AXDND1: variants seen among roughly 807,000 people sequenced by gnomAD.
AXDND1 encodes the protein axonemal dynein light chain domain-containing protein 1.
AXDND1 carries 110 observed loss-of-function variants against 137.5 expected under a neutral mutation model. The ratio of observed to expected loss-of-function variants is 0.80; its 90% CI spans 0.69 to 0.94. The LOEUF (loss-of-function observed/expected upper bound fraction) is 0.94. Among genes scored for constraint, AXDND1 ranks in the 40% least tolerant of loss-of-function variants. AXDND1 has a pLI of 0.00. For synonymous variants in AXDND1, 414 were observed against 399.7 expected (o/e 1.04, Z -0.43); for missense variants, 1,191 against 1,169.8 (o/e 1.02, Z -0.26).
chr1:179,400,935 AAAAG>A (rs1471274687), intron 11 of AXDND1, among the ~76,000 whole-genome samples: 2 of 149,566 alleles, frequency 1.3e-5, no homozygotes, highest in Non-Finnish European at 3.0e-5. Flanking sequence ...AAAGAAAAAA[AAAAG>A]GACACAGAAA....
chr1:179,468,283 T>A (rs1663482919), intron 16 of AXDND1, among the ~76,000 whole-genome samples, 160 bp from the exon 17 acceptor site: 1 of 152,226 alleles, frequency 6.6e-6, no homozygotes, highest in Non-Finnish European at 1.5e-5. Context: ...AAACATTTAT[T>A]TAGGAACTGC....
chr1:179,509,404 G>T lies in AXDND1; in HGVS notation c.2496+1G>T, dbSNP rs772632024. On this transcript the variant is annotated splice_donor_variant, in intron 21 of 25. Transcript: ENST00000367618. LOFTEE classifies it high-confidence loss of function. ...AGAAATAGAGCGGCTACTTGAAGAG[G>T]TATTTGCCACATGTTAGCGTTGGTC... 3 of 1,570,300 alleles carry T rather than the reference G, an allele frequency of 1.9e-6. No individual in the cohort carries two copies. Among genetic ancestry groups the T allele is most frequent in the African/African-American group, 2.7e-5 (2 of 73,946 alleles).
At chr1:179,512,772 T>C (rs571555931) in intron 21 of AXDND1, among the ~76,000 whole-genome samples, 88 of 152,272 alleles carry the variant, frequency 5.8e-4, no homozygotes, top group African/African-American at 2.1e-3. Flanking sequence ...TATAGAGGTC[T>C]TTTGCCTCCT....
intron 23 of AXDND1, among the ~76,000 whole-genome samples, chr1:179,533,503 TTC>T (rs1020885448): frequency 4.6e-5 from 7 of 152,168 alleles, no homozygotes; most frequent in African/African-American, 1.4e-4. Context: ...CTTTTTTTAT[TTC>T]TCTGTTTCTT....
intron 23 of AXDND1, among the ~76,000 whole-genome samples, chr1:179,533,585 G>A (rs1671226603): frequency 6.8e-6 from 1 of 146,428 alleles, no homozygotes. Flanking sequence ...TGAAGCACGA[G>A]TAATTTGGAA....
At chr1:179,440,903 A>T (rs1000330707) in intron 15 of AXDND1, among the ~76,000 whole-genome samples, 1 of 152,202 alleles carries the variant, frequency 6.6e-6, no homozygotes, top group African/African-American at 2.4e-5. Flanking sequence ...CTAAAACCTG[A>T]ATGACTGTAA....
chr1:179,466,952 T>C lies in AXDND1; in HGVS notation c.1799-1491T>C, dbSNP rs147004577. On this transcript the variant is annotated intron_variant, in intron 16 of 25. Coordinates refer to ENST00000367618, the MANE Select transcript of AXDND1 (RefSeq NM_144696.6). The stretch of plus-strand genomic sequence containing the variant: ...TTCTATTTCTGTTCCACTGTTATTC[T>C]TAAGATGTAATGCTTCAGAGAATTA... Among the ~76,000 whole-genome samples the C allele has an allele frequency of 9.8e-4, 149 of 152,286 alleles. 1 individual carries two copies. The highest frequency in any genetic ancestry group is 3.4e-3 in the Middle Eastern group (1 of 294).
intron 16 of AXDND1, among the ~76,000 whole-genome samples, chr1:179,459,886 T>C (rs908446696): frequency 5.7e-5 from 8 of 141,384 alleles, no homozygotes; most frequent in Non-Finnish European, 1.1e-4. Flanking sequence ...TCTTTTCTCT[T>C]TTCTTTTCTT....
intron 20 of AXDND1, among the ~76,000 whole-genome samples, chr1:179,501,856 T>C (rs1668032898): frequency 6.6e-6 from 1 of 152,172 alleles, no homozygotes; most frequent in African/African-American, 2.4e-5. Context: ...GTCAAAATTA[T>C]AAAGCTTTTA....
chr1:179,513,239 T>C (rs1669218808), intron 21 of AXDND1, among the ~76,000 whole-genome samples: 2 of 152,332 alleles, frequency 1.3e-5, no homozygotes, highest in African/African-American at 2.4e-5. Flanking sequence ...TTATGTCCAT[T>C]GTATGCTGAT....
At chr1:179,524,698 C>T (rs1670376710) in intron 21 of AXDND1, among the ~76,000 whole-genome samples, 1 of 152,176 alleles carries the variant, frequency 6.6e-6, no homozygotes, top group Non-Finnish European at 1.5e-5. Flanking sequence ...CTTAAATCCT[C>T]CTTTTCCTTC....
chr1:179,500,556 T>C (rs1667897733), intron 20 of AXDND1, among the ~76,000 whole-genome samples: 1 of 152,198 alleles, frequency 6.6e-6, no homozygotes, highest in Non-Finnish European at 1.5e-5. Context: ...AGATACACCA[T>C]GTTCATGAAC....
At chr1:179,518,515 G>A (rs1669766212) in intron 21 of AXDND1, among the ~76,000 whole-genome samples, 3 of 151,736 alleles carry the variant, frequency 2.0e-5, no homozygotes, top group Admixed American at 2.0e-4. Flanking sequence ...CCCATTAGCT[G>A]TTTTTCTTGA....
intron 21 of AXDND1, among the ~76,000 whole-genome samples, chr1:179,509,700 G>T (rs1001809636): frequency 2.0e-5 from 3 of 152,138 alleles, no homozygotes; most frequent in African/African-American, 7.2e-5. Context: ...CTGCTTCTGT[G>T]CTCACCCTTT....
intron 11 of AXDND1, among the ~76,000 whole-genome samples, chr1:179,407,647 C>T (rs1558133736): frequency 6.6e-6 from 1 of 152,066 alleles, no homozygotes. Context: ...TTTTCTCTTG[C>T]TGTTTTTAGA....
chr1:179,373,630 T>C lies in AXDND1; in HGVS notation c.374+3552T>C, dbSNP rs138505536. ...CATGGTACTGGTATCAAAACAGATATATAGACCAACGGAACAGAACAGAGG... is the reference window on the plus strand; with the variant it reads ...CATGGTACTGGTATCAAAACAGATACATAGACCAACGGAACAGAACAGAGG... On this transcript the variant is annotated intron_variant, in intron 4 of 25. Transcript: ENST00000367618. 9.6e-3 allele frequency among the ~76,000 whole-genome samples: 1,463 copies of C among 152,136 alleles called. 30 individuals carry two copies. The highest frequency in any genetic ancestry group is 0.034 in the African/African-American group (1,397 of 41,504).
At chr1:179,539,835 G>A (rs956669345) in intron 25 of AXDND1, among the ~76,000 whole-genome samples, 6 of 152,060 alleles carry the variant, frequency 3.9e-5, no homozygotes, top group Admixed American at 1.3e-4. Flanking sequence ...CCAATCAAAC[G>A]TAGATTCGGT....
At chr1:179,524,923 C>G (rs1670393552) in intron 21 of AXDND1, among the ~76,000 whole-genome samples, 1 of 152,324 alleles carries the variant, frequency 6.6e-6, no homozygotes. Context: ...GATTGCACTC[C>G]TATTCATTTG....
intron 11 of AXDND1, among the ~76,000 whole-genome samples, chr1:179,401,334 T>A (rs1652019457): frequency 6.6e-6 from 1 of 151,198 alleles, no homozygotes; most frequent in Non-Finnish European, 1.5e-5. Flanking sequence ...GATATTAAAA[T>A]TTTACCAAGT....
Sources: allele counts gnomAD v4.1 joint callset (sites outside exome capture counted in the v4.1 genomes callset), GRCh38; gene constraint gnomAD v4.1.1; transcripts MANE v1.5; gene names NCBI Gene and HGNC (gene_info 2026-07-23, HGNC 2026-07-21).